Variants in ZFYVE9 observed in about 807,000 individuals in gnomAD.
ZFYVE9 encodes the protein zinc finger FYVE-type containing 9, also known as zinc finger FYVE domain-containing protein 9.
In ZFYVE9, 43 loss-of-function variants were observed where a neutral mutation model predicts 126.7. The ratio of observed to expected loss-of-function variants is 0.34; its 90% CI spans 0.27 to 0.44. ZFYVE9 has a LOEUF of 0.44. Ranked by LOEUF, ZFYVE9 falls within the 20% of genes least tolerant of loss-of-function variation. The probability of loss-of-function intolerance (pLI) is 1.00; values close to 1 mark genes in which losing one functional copy is unlikely to be tolerated. For synonymous variants in ZFYVE9, 521 were observed against 597.4 expected (o/e 0.87, Z 1.87); for missense variants, 1,476 against 1,697.0 (o/e 0.87, Z 2.29).
At chr1:52,329,201 A>G (rs1046821199) in intron 13 of ZFYVE9, among the ~76,000 whole-genome samples, 4 of 152,210 alleles carry the variant, frequency 2.6e-5, no homozygotes, top group Non-Finnish European at 4.4e-5. Context: ...GGAAAAGCCA[A>G]TATTCAAATC....
At chr1:52,255,278 CAT>C (rs914563154) in intron 4 of ZFYVE9, among the ~76,000 whole-genome samples, 28 of 152,134 alleles carry the variant, frequency 1.8e-4, no homozygotes, top group Admixed American at 1.6e-3. Context: ...CTGAAGGAAA[CAT>C]ATTTTTAAAA....
intron 1 of ZFYVE9, among the ~76,000 whole-genome samples, chr1:52,171,334 A>C (rs1452018033): frequency 6.6e-6 from 1 of 152,136 alleles, no homozygotes. Flanking sequence ...TGAACTCATC[A>C]TTTTTTATGG....
chr1:52,169,814 C>G (rs561460121), intron 1 of ZFYVE9, among the ~76,000 whole-genome samples: 69 of 152,242 alleles, frequency 4.5e-4, no homozygotes, highest in African/African-American at 1.3e-3. Context: ...CCAAAACTTG[C>G]TATTATGAAG....
At position 52,177,252 on chromosome 1, in the gene ZFYVE9, C is replaced by T. The variant is rs527515876; in HGVS notation, c.-143+34849C>T. On this transcript the variant is annotated intron_variant, in intron 1 of 18. Transcript: ENST00000287727. ...GCAACCTCTGCCTCCCAGGTTCAAG[C>T]ACTTCTCCTGCCTCAGCCTCCCCAG... is the stretch of plus-strand genomic sequence containing the variant. Among the ~76,000 whole-genome samples, 6 of 152,006 alleles carry T rather than the reference C, an allele frequency of 3.9e-5. 1 individual carries two copies. The highest frequency in any genetic ancestry group is 3.9e-4 in the Admixed American group (6 of 15,260).
intron 13 of ZFYVE9, among the ~76,000 whole-genome samples, chr1:52,311,229 A>G (rs1415524436): frequency 6.6e-6 from 1 of 151,946 alleles, no homozygotes; most frequent in Non-Finnish European, 1.5e-5. Context: ...TGAAAGAAGA[A>G]GAGATGTTAG....
At chr1:52,240,973 A>G (rs1370072063) in intron 4 of ZFYVE9, among the ~76,000 whole-genome samples, 1 of 152,202 alleles carries the variant, frequency 6.6e-6, no homozygotes, top group East Asian at 1.9e-4. Flanking sequence ...ATGTAGGATG[A>G]GTAAGTCTAG....
intron 15 of ZFYVE9, 28 bp downstream of exon 15, chr1:52,334,796 A>T: frequency 1.9e-6 from 3 of 1,593,608 alleles, no homozygotes; most frequent in Non-Finnish European, 2.6e-6. Flanking sequence ...CAGTCCTCAT[A>T]ATAAGGACTG....
chr1:52,263,753 T>TTGGGGGG lies in ZFYVE9; in HGVS notation c.2179-20_2179-19insTGGGGGG. 5.6e-6 allele frequency: 4 copies of TTGGGGGG among 713,082 alleles called. No individual in the cohort carries two copies. Among genetic ancestry groups the TTGGGGGG allele is most frequent in the Non-Finnish European group, 8.2e-6 (4 of 490,710 alleles). 44.2% of individuals were successfully genotyped at this position (713,082 alleles called of 1,614,324 possible). ...ATCCCAAGTAAATTTTGTGTGTTCT[T>TTGGGGGG]CCCCCCCCCCCCCCCACAGGTTTTC... On this transcript the variant is annotated intron_variant, in intron 4 of 18. Coordinates refer to ENST00000287727, the MANE Select transcript of ZFYVE9 (RefSeq NM_004799.4).
intron 12 of ZFYVE9, among the ~76,000 whole-genome samples, chr1:52,302,676 G>A (rs2147840916): frequency 6.6e-6 from 1 of 151,742 alleles, no homozygotes; most frequent in Non-Finnish European, 1.5e-5. Context: ...GCTTGAACCT[G>A]GGAGGCAGAG....
chr1:52,240,819 T>C (rs954719482), intron 4 of ZFYVE9, among the ~76,000 whole-genome samples: 1 of 152,146 alleles, frequency 6.6e-6, no homozygotes, highest in South Asian at 2.1e-4. Flanking sequence ...CTTTAATTTA[T>C]TGGCCAATTT....
intron 13 of ZFYVE9, among the ~76,000 whole-genome samples, chr1:52,322,118 C>T (rs1474441210): frequency 1.3e-5 from 2 of 152,174 alleles, no homozygotes; most frequent in East Asian, 1.9e-4. Flanking sequence ...AAATTAATGA[C>T]AGTGCTGTCA....
intron 1 of ZFYVE9, among the ~76,000 whole-genome samples, chr1:52,181,910 G>A (rs888726110): frequency 3.3e-5 from 5 of 151,972 alleles, no homozygotes; most frequent in African/African-American, 9.7e-5. Flanking sequence ...TGGGAAGTAA[G>A]GAGCGTCTCC....
intron 1 of ZFYVE9, among the ~76,000 whole-genome samples, chr1:52,170,338 C>T (rs942490415): frequency 6.6e-6 from 1 of 151,918 alleles, no homozygotes; most frequent in Non-Finnish European, 1.5e-5. Context: ...TCTCTGATTT[C>T]GTTTGAGTCT....
intron 1 of ZFYVE9, among the ~76,000 whole-genome samples, chr1:52,206,632 C>T (rs1644980551): frequency 6.6e-6 from 1 of 152,154 alleles, no homozygotes; most frequent in Non-Finnish European, 1.5e-5. Context: ...CTCACTGCAA[C>T]CTCCACCTCC....
chr1:52,210,435 T>TA (rs551368774), intron 1 of ZFYVE9, among the ~76,000 whole-genome samples: 94 of 152,296 alleles, frequency 6.2e-4, no homozygotes, highest in Non-Finnish European at 7.4e-4. Context: ...AAGCTTGTTT[T>TA]ATTGAGTGGC....
intron 2 of ZFYVE9, among the ~76,000 whole-genome samples, chr1:52,226,186 A>G (rs1156944940): frequency 6.6e-6 from 1 of 152,072 alleles, no homozygotes; most frequent in Non-Finnish European, 1.5e-5. Flanking sequence ...TCCTTACTGT[A>G]CATGTGGCTG....
At chr1:52,181,229 C>T (rs1395638176) in intron 1 of ZFYVE9, among the ~76,000 whole-genome samples, 2 of 152,156 alleles carry the variant, frequency 1.3e-5, no homozygotes, top group Non-Finnish European at 2.9e-5. Context: ...ATTGCAGGCG[C>T]GCGCTGCCAC....
At chr1:52,305,722 C>T (rs1240940116) in intron 13 of ZFYVE9, among the ~76,000 whole-genome samples, 1 of 152,146 alleles carries the variant, frequency 6.6e-6, no homozygotes, top group East Asian at 1.9e-4. Flanking sequence ...CTTGCAGGCA[C>T]AGCTGTAGCT....
At chr1:52,281,588 T>A in intron 9 of ZFYVE9, 73 bp from the exon 10 acceptor site, 2 of 1,532,792 alleles carry the variant, frequency 1.3e-6, no homozygotes, top group Non-Finnish European at 1.8e-6. Context: ...TAACACAGAT[T>A]TCTGTGCATC....
Sources: gnomAD v4.1 joint callset for allele counts (sites outside exome capture counted in the v4.1 genomes callset) on GRCh38, gnomAD v4.1.1 for gene constraint, MANE v1.5 for transcripts, NCBI Gene and HGNC (gene_info 2026-07-23, HGNC 2026-07-21) for gene names.